Variants in CEP295 observed in about 807,000 individuals in gnomAD.
The protein encoded by CEP295 is centrosomal protein 295.
A neutral mutation model predicts 291.6 loss-of-function variants in CEP295; 190 were observed. The observed-to-expected ratio is 0.65, with a 90% CI of 0.58 to 0.73. The LOEUF (loss-of-function observed/expected upper bound fraction) is 0.73. Among genes scored for constraint, CEP295 ranks in the 30% least tolerant of loss-of-function variants. The pLI is 0.00. For missense variants in CEP295, 2,863 were observed against 2,949.4 expected, an observed-to-expected ratio of 0.97 and a Z score of 0.68; for synonymous variants, 993 against 1,038.8, an observed-to-expected ratio of 0.96 and a Z score of 0.85.
chr11:93,730,297 T>A lies in CEP295; in HGVS notation c.*28T>A, dbSNP rs1427252113. 3.5e-6 allele frequency: 5 copies of A among 1,438,008 alleles called. No individual in the cohort carries two copies. The highest frequency in any genetic ancestry group is 2.8e-5 in the African/African-American group (2 of 70,520). The allele number at this position is 1,438,008 out of a possible 1,614,324, so 89.1% of individuals were successfully genotyped here. On this transcript the variant is annotated 3_prime_UTR_variant, in exon 30 of 30. Transcript: ENST00000325212. ...TTCTAGAAATAGTGTAAAGGTTTTTTAATTGTGTATATGTAGCATTAGACA... is the reference window on the plus strand; with the variant it reads ...TTCTAGAAATAGTGTAAAGGTTTTTAAATTGTGTATATGTAGCATTAGACA...
chr11:93,706,384 T>C lies in CEP295; in HGVS notation c.5597-361T>C, dbSNP rs890320475. 2.0e-5 allele frequency among the ~76,000 whole-genome samples: 3 copies of C among 152,202 alleles called. No individual in the cohort carries two copies. The East Asian group carries it at 5.8e-4, about 29-fold the overall frequency. On this transcript the variant is annotated intron_variant, in intron 17 of 29. Transcript: ENST00000325212. ...CACTTCTCTTTTACCTTCCCAGTTA[T>C]CATCCCCTGTCTTCTAAACCATATC...
At chr11:93,724,081 T>C in intron 21 of CEP295, 173 bp from the exon 22 acceptor site, 1 of 577,476 alleles carries the variant, frequency 1.7e-6, no homozygotes, top group Non-Finnish European at 2.9e-6. Flanking sequence ...GGACTTAACT[T>C]TAAAGCATCT....
Position 93,727,121 on chromosome 11 carries a change from T to C in CEP295, c.6645T>C (p.His2215=). 1 of 1,551,304 alleles carries C rather than the reference T, an allele frequency of 6.4e-7. No individual in the cohort carries two copies. Among genetic ancestry groups the C allele is most frequent in the South Asian group, 1.2e-5 (1 of 83,936 alleles). Residue 2215 remains histidine (H), a synonymous_variant, in exon 24 of 30, where the codon CAT becomes CAC. Coordinates refer to ENST00000325212, the MANE Select transcript of CEP295 (RefSeq NM_033395.2). ...ATCAGAACTATCCCTCTGAAGAACATACTGAAATATTACAAAACAAGAAAA... is the reference window on the plus strand; with the variant it reads ...ATCAGAACTATCCCTCTGAAGAACACACTGAAATATTACAAAACAAGAAAA... The part of the protein sequence containing the change: ...MKNQNYPSEE[H]TEILQNKKKI...
chr11:93,687,857 A>G lies in CEP295; in HGVS notation c.1328A>G (p.Gln443Arg), dbSNP rs1411604001. 6.5e-7 allele frequency: 1 copy of G among 1,548,604 alleles called. No homozygotes were observed. Among genetic ancestry groups the G allele is most frequent in the Non-Finnish European group, 8.7e-7 (1 of 1,145,242 alleles). Reference sequence around the variant, plus strand: ...AAAGAGAGAACGTTATCCTCTGGGCAGGAACAAGGTATTTCTCTCCAAGAG... The same window carrying G: ...AAAGAGAGAACGTTATCCTCTGGGCGGGAACAAGGTATTTCTCTCCAAGAG... ...ASKERTLSSGQEQVVESDTLT... is the reference protein window; with the variant it reads ...ASKERTLSSGREQVVESDTLT... Residue 443 changes from glutamine (Q) to arginine (R), a missense_variant, in exon 10 of 30, where the codon CAG (glutamine) becomes CGG (arginine). By Grantham distance (43) the Gln-to-Arg change is conservative. Transcript: ENST00000325212.
chr11:93,675,449 A>T (rs1481966232), intron 5 of CEP295, 122 bp from the exon 6 acceptor site: 1 of 502,168 alleles, frequency 2.0e-6, no homozygotes, highest in East Asian at 3.5e-5. Flanking sequence ...TTATGAGCAG[A>T]TATTTAGCAT....
rs769954783 is a variant in CEP295 at position 93,730,006 on chromosome 11, T to A, written c.7667+37T>A. The A allele has an allele frequency of 4.7e-6, 7 of 1,503,786 alleles. No homozygotes were observed. In the East Asian group the frequency reaches 1.7e-4, roughly 37 times the overall value. The allele number at this position is 1,503,786 out of a possible 1,614,324, so 93.2% of individuals were successfully genotyped here. A position where few individuals can be genotyped will look rare whatever the true frequency, so the allele number is the denominator to read the frequency against. The stretch of plus-strand genomic sequence containing the variant: ...TTTTTTTTTTTTTTTAGTGATTCAC[T>A]TTTTGCAGTGTTTGTCTCTAATTCT... On this transcript the variant is annotated intron_variant, in intron 28 of 29. Transcript: ENST00000325212.
intron 18 of CEP295, among the ~76,000 whole-genome samples, chr11:93,709,529 A>G (rs1591104896): frequency 6.6e-6 from 1 of 152,230 alleles, no homozygotes; most frequent in East Asian, 1.9e-4. Flanking sequence ...TGCTAGTACC[A>G]TGCTGTTTTG....
intron 25 of CEP295, 95 bp from the exon 26 acceptor site, chr11:93,729,339 G>T: frequency 1.3e-6 from 1 of 797,044 alleles, no homozygotes; most frequent in Non-Finnish European, 2.1e-6. Context: ...GCTGCAGTGA[G>T]GTGTGATCAT....
In CEP295 at chr11:93,683,974, G is replaced by A; in HGVS notation, c.960G>A (p.Gly320=). 6.5e-7 allele frequency: 1 copy of A among 1,549,568 alleles called. No homozygotes were observed. Among genetic ancestry groups the A allele is most frequent in the Non-Finnish European group, 8.7e-7 (1 of 1,146,618 alleles). The change falls in exon 9 of 30, where the codon GGG becomes GGA. Residue 320 remains glycine, a synonymous_variant. Coordinates refer to ENST00000325212, the MANE Select transcript of CEP295 (RefSeq NM_033395.2). ...DMYNADRKVK[G]NLILHLEPEP... ...TTTTTCTTTTTTAAGAGGTGAAAGG[G>A]AATCTGATTCTGCACCTTGAACCAG...
At position 93,693,303 on chromosome 11, in the gene CEP295, T is replaced by C. The variant is rs117488158; in HGVS notation, c.1533+1273T>C. On this transcript the variant is annotated intron_variant, in intron 12 of 29. Transcript: ENST00000325212. The stretch of plus-strand genomic sequence containing the variant: ...AAAAAAAAAAATCCTCCTTAACTTA[T>C]GACTTTGGTCTCATCTACTTTTAAT... Among the ~76,000 whole-genome samples the C allele has an allele frequency of 3.3e-3, 498 of 152,154 alleles. 4 individuals are homozygous for C. The highest frequency in any genetic ancestry group is 4.4e-3 in the Non-Finnish European group (301 of 68,014).
At position 93,696,333 on chromosome 11, in the gene CEP295, C is replaced by T. The variant is rs1467671170; in HGVS notation, c.1685C>T (p.Pro562Leu). 1 of 1,546,966 alleles carries T rather than the reference C, an allele frequency of 6.5e-7. No individual in the cohort carries two copies. The highest frequency in any genetic ancestry group is 2.0e-5 in the Admixed American group (1 of 50,592). Residue 562 changes from proline to leucine, a missense_variant, in exon 14 of 30, where the codon CCA becomes CTA. By Grantham distance (98) the Pro-to-Leu change is moderately conservative. Coordinates refer to ENST00000325212, the MANE Select transcript of CEP295 (RefSeq NM_033395.2). ...KTQPTGVGIA[P>L]ASCPVISDED... The stretch of plus-strand genomic sequence containing the variant: ...GTCTTTTATTAGGTTGGCATTGCTC[C>T]AGCATCATGCCCTGTAATTTCTGAT...
In CEP295 at chr11:93,706,742, C is replaced by G; in HGVS notation, c.5597-3C>G. ...TGAAGTGGAAATATTTTTTCCCCCCCAGGTAAACCAGGTATTTATGAAGAC... is the reference window on the plus strand; with the variant it reads ...TGAAGTGGAAATATTTTTTCCCCCCGAGGTAAACCAGGTATTTATGAAGAC... On this transcript the variant is annotated splice_region_variant and splice_polypyrimidine_tract_variant and intron_variant, in intron 17 of 29. Coordinates refer to ENST00000325212, the MANE Select transcript of CEP295 (RefSeq NM_033395.2). The G allele has an allele frequency of 2.0e-6, 3 of 1,511,554 alleles. No individual in the cohort carries two copies. Among genetic ancestry groups the G allele is most frequent in the South Asian group, 2.6e-5 (2 of 78,284 alleles). 93.6% of individuals were successfully genotyped at this position (1,511,554 alleles called of 1,614,324 possible). A position where few individuals can be genotyped will look rare whatever the true frequency, so the allele number is the denominator to read the frequency against.
chr11:93,682,791 A>G (rs920995643), intron 7 of CEP295, among the ~76,000 whole-genome samples: 12 of 152,152 alleles, frequency 7.9e-5, no homozygotes, highest in Non-Finnish European at 1.8e-4. Flanking sequence ...TGCCCTAGCT[A>G]TAATGAACAG....
intron 5 of CEP295, among the ~76,000 whole-genome samples, chr11:93,674,447 T>A (rs1192670111): frequency 2.0e-5 from 3 of 152,200 alleles, no homozygotes; most frequent in Non-Finnish European, 4.4e-5. Flanking sequence ...ATGCTTGTAG[T>A]CCTAGCTATG....
rs769137145 is a variant in CEP295, at chr11:93,699,659, C to G, written c.4747C>G (p.Pro1583Ala). ...TCTTCCCTCAAGTCATCGTGAGATT[C>G]CAAGATTACAGGATAGACTTTTGAG... is the stretch of plus-strand genomic sequence containing the variant. ...DTLPSSHREI[P>A]RLQDRLLSLS... The change falls in exon 15 of 30, where the codon CCA (proline) becomes GCA (alanine). Residue 1583 changes from proline to alanine, a missense_variant. Pro to Ala is a conservative substitution (Grantham distance 27). Around this residue, in one of 3 missense-constraint regions of CEP295, gnomAD observed 2,295 missense variants for 2,335.7 expected, o/e 0.98. Transcript: ENST00000325212. 6.4e-7 allele frequency: 1 copy of G among 1,551,396 alleles called. No individual in the cohort carries two copies. Among genetic ancestry groups the G allele is most frequent in the Non-Finnish European group, 8.7e-7 (1 of 1,147,040 alleles).
intron 6 of CEP295, among the ~76,000 whole-genome samples, chr11:93,676,643 G>A (rs539216930): frequency 1.3e-5 from 2 of 151,990 alleles, no homozygotes; most frequent in East Asian, 3.9e-4. Context: ...TTACAGTTTC[G>A]ATATTATGAT....
intron 20 of CEP295, chr11:93,722,778 A>T (rs1835971449): frequency 1.3e-5 from 4 of 298,358 alleles, no homozygotes; most frequent in Admixed American, 9.5e-5. Flanking sequence ...TTTTCTTTTG[A>T]GATGGAGTCT....
intron 9 of CEP295, among the ~76,000 whole-genome samples, chr11:93,687,013 G>T (rs142129699): frequency 6.6e-6 from 1 of 152,128 alleles, no homozygotes; most frequent in African/African-American, 2.4e-5. Context: ...AGAACTGTTC[G>T]TATTATACTG....
At chr11:93,713,246 C>T (rs1395606402) in intron 18 of CEP295, among the ~76,000 whole-genome samples, 3 of 152,134 alleles carry the variant, frequency 2.0e-5, no homozygotes, top group Non-Finnish European at 4.4e-5. Context: ...AAAACAATTA[C>T]AGTTTTATAA....
Sources: allele counts gnomAD v4.1 joint callset (sites outside exome capture counted in the v4.1 genomes callset), GRCh38; gene constraint gnomAD v4.1.1; regional missense constraint gnomAD v4.1.1; transcripts MANE v1.5; gene names NCBI Gene and HGNC (gene_info 2026-07-23, HGNC 2026-07-21).